Variants in SKAP2 observed in about 807,000 individuals in gnomAD.
SKAP2 encodes the protein src kinase-associated phosphoprotein 2.
Under a neutral mutation model 54.9 loss-of-function variants are expected in SKAP2, and 28 were observed. That is an observed-to-expected ratio of 0.51 (90% CI 0.38 to 0.70). The LOEUF (loss-of-function observed/expected upper bound fraction) is 0.70, where lower values mean the gene tolerates loss of function less well. Ranked by LOEUF, SKAP2 falls within the 30% of genes least tolerant of loss-of-function variation. The pLI, the probability that SKAP2 is intolerant of heterozygous loss-of-function variation, is 0.00. For synonymous variants in SKAP2, 137 were observed against 134.3 expected, an observed-to-expected ratio of 1.02 and a Z score of -0.14; for missense variants, 356 against 424.1, an observed-to-expected ratio of 0.84 and a Z score of 1.41.
At chr7:26,747,645 A>T (rs760274624) in intron 4 of SKAP2, among the ~76,000 whole-genome samples, 2 of 152,194 alleles carry the variant, frequency 1.3e-5, no homozygotes, top group African/African-American at 2.4e-5. Context: ...CATGCATGTA[A>T]GATATGCTCA....
intron 4 of SKAP2, among the ~76,000 whole-genome samples, chr7:26,755,646 C>T (rs529611296): frequency 6.6e-6 from 1 of 152,274 alleles, no homozygotes; most frequent in South Asian, 2.1e-4. Flanking sequence ...CCATAACTGT[C>T]TTCTCTTCAC....
the SKAP2 span, among the ~76,000 whole-genome samples, chr7:26,657,348 C>T: frequency 6.6e-6 from 1 of 152,180 alleles, no homozygotes; most frequent in Non-Finnish European, 1.5e-5. Flanking sequence ...ACTTAAGGCA[C>T]AAGTTGGAAC....
chr7:26,747,674 T>C (rs1782586224), intron 4 of SKAP2, among the ~76,000 whole-genome samples: 1 of 152,114 alleles, frequency 6.6e-6, no homozygotes. Flanking sequence ...ATCCAAAAGA[T>C]TAAGCATTTG....
At chr7:26,766,403 C>A (rs1017262384) in intron 4 of SKAP2, among the ~76,000 whole-genome samples, 7 of 152,180 alleles carry the variant, frequency 4.6e-5, no homozygotes, top group South Asian at 2.1e-4. Context: ...AATATACAAT[C>A]ATGTCATCTA....
intron 6 of SKAP2, among the ~76,000 whole-genome samples, chr7:26,730,897 A>G (rs1405103085): frequency 2.0e-5 from 3 of 152,116 alleles, no homozygotes; most frequent in Admixed American, 2.0e-4. Context: ...GACAACTCAC[A>G]TTTACTGAGC....
At chr7:26,660,508 T>C in the SKAP2 span, among the ~76,000 whole-genome samples, 6 of 152,216 alleles carry the variant, frequency 3.9e-5, no homozygotes, top group East Asian at 1.2e-3. Flanking sequence ...AGAGTATTTA[T>C]TGCTATAGAT....
intron 4 of SKAP2, among the ~76,000 whole-genome samples, chr7:26,814,542 CT>C (rs1340142049): frequency 6.9e-6 from 1 of 144,238 alleles, no homozygotes; most frequent in East Asian, 2.0e-4. Flanking sequence ...TCTTTAGGAA[CT>C]TCAAACACCC....
At chr7:26,717,954 T>C (rs181115820) in intron 9 of SKAP2, among the ~76,000 whole-genome samples, 75 of 152,104 alleles carry the variant, frequency 4.9e-4, no homozygotes, top group Admixed American at 3.4e-3. Flanking sequence ...ACTCTGCCCA[T>C]TGGAGACAGA....
downstream of SKAP2, among the ~76,000 whole-genome samples, chr7:26,665,285 C>T (rs1337272877): frequency 6.6e-6 from 1 of 152,180 alleles, no homozygotes; most frequent in East Asian, 1.9e-4. Flanking sequence ...GGTCACAACA[C>T]TGAACACAAG....
chr7:26,857,074 G>GT (rs370320391), intron 1 of SKAP2, among the ~76,000 whole-genome samples: 3 of 148,608 alleles, frequency 2.0e-5, no homozygotes, highest in East Asian at 2.0e-4. Context: ...TTATGACAAA[G>GT]TTTTTTTTGA....
chr7:26,852,196 C>T (rs1322832540), intron 3 of SKAP2, among the ~76,000 whole-genome samples: 2 of 152,084 alleles, frequency 1.3e-5, no homozygotes, highest in African/African-American at 4.8e-5. Flanking sequence ...GAAAAGGCAG[C>T]ACCACCAAAA....
intron 4 of SKAP2, among the ~76,000 whole-genome samples, chr7:26,767,851 T>C (rs554125553): frequency 6.6e-6 from 1 of 152,354 alleles, no homozygotes; most frequent in South Asian, 2.1e-4. Flanking sequence ...TCTGTTCTTT[T>C]GCATTTACTG....
intron 9 of SKAP2, among the ~76,000 whole-genome samples, chr7:26,693,119 A>G (rs946276035): frequency 1.1e-4 from 16 of 152,186 alleles, no homozygotes; most frequent in South Asian, 1.0e-3. Context: ...ATCACCTGAG[A>G]TCAGGAGTTC....
chr7:26,669,544 T>A lies in SKAP2; in HGVS notation c.*122A>T, dbSNP rs1464235611. ...AATGAGCGACTGCATAAAATAACAG[T>A]CAAAGATAAGTAATGTTTAATAAAA... On this transcript the variant is annotated 3_prime_UTR_variant, in exon 13 of 13. Coordinates refer to ENST00000345317, the MANE Select transcript of SKAP2 (RefSeq NM_003930.5). The A allele has an allele frequency of 6.6e-6, 1 of 152,044 alleles. No individual in the cohort carries two copies. Among genetic ancestry groups the A allele is most frequent in the East Asian group, 1.9e-4 (1 of 5,184 alleles). The allele number at this position is 152,044 out of a possible 1,614,324, so 9.4% of individuals were successfully genotyped here. A position where few individuals can be genotyped will look rare whatever the true frequency, so the allele number is the denominator to read the frequency against.
intron 6 of SKAP2, among the ~76,000 whole-genome samples, chr7:26,731,733 C>T (rs1787828279): frequency 2.0e-5 from 3 of 152,156 alleles, no homozygotes; most frequent in African/African-American, 7.2e-5. Flanking sequence ...TATCCCCCAT[C>T]TCAATAAATG....
At chr7:26,775,530 CGTGT>C (rs59902431) in intron 4 of SKAP2, among the ~76,000 whole-genome samples, 16,589 of 146,108 alleles carry the variant, frequency 0.11, 953 homozygotes, top group Middle Eastern at 0.23. Flanking sequence ...TTTACTTGTA[CGTGT>C]GTGTGTGTGT....
At chr7:26,763,279 C>T (rs1308737677) in intron 4 of SKAP2, among the ~76,000 whole-genome samples, 2 of 151,984 alleles carry the variant, frequency 1.3e-5, no homozygotes, top group Non-Finnish European at 1.5e-5. Flanking sequence ...TGAAAATGAT[C>T]TAGTAGCACC....
At chr7:26,696,154 T>C (rs1437811344) in intron 9 of SKAP2, among the ~76,000 whole-genome samples, 1 of 152,224 alleles carries the variant, frequency 6.6e-6, no homozygotes. Flanking sequence ...AGGATTTTTA[T>C]ATTACTATAT....
At chr7:26,736,643 G>T (rs1787949577) in intron 6 of SKAP2, among the ~76,000 whole-genome samples, 1 of 152,082 alleles carries the variant, frequency 6.6e-6, no homozygotes, top group Non-Finnish European at 1.5e-5. Context: ...CTACGGATTG[G>T]CCTCAAATTC....
Sources: allele counts gnomAD v4.1 joint callset (sites outside exome capture counted in the v4.1 genomes callset), GRCh38; gene constraint gnomAD v4.1.1; transcripts MANE v1.5; gene names NCBI Gene and HGNC (gene_info 2026-07-23, HGNC 2026-07-21).